Variants in ELAPOR1 observed in about 807,000 individuals in gnomAD.
ELAPOR1 encodes endosome-lysosome associated apoptosis and autophagy regulator 1.
A neutral mutation model predicts 119.7 loss-of-function variants in ELAPOR1; 77 were observed. The ratio of observed to expected loss-of-function variants is 0.64; its 90% confidence interval spans 0.54 to 0.78. The LOEUF is 0.78. Ranked by LOEUF, ELAPOR1 falls within the 30% of genes least tolerant of loss-of-function variation. The pLI is 0.00. For synonymous variants in ELAPOR1, 481 were observed against 487.2 expected (o/e 0.99, Z 0.17); for missense variants, 1,115 against 1,270.4 (o/e 0.88, Z 1.86).
intron 1 of ELAPOR1, among the ~76,000 whole-genome samples, chr1:109,144,061 A>ATATATATTTTT: frequency 3.5e-4 from 31 of 88,970 alleles, no homozygotes; most frequent in African/African-American, 6.8e-4. Flanking sequence ...ATATTTATAT[A>ATATATATTTTT]TTTTTTTTTT....
intron 13 of ELAPOR1, among the ~76,000 whole-genome samples, chr1:109,192,292 CTGTT>C (rs1215955449): frequency 2.0e-5 from 3 of 152,214 alleles, no homozygotes; most frequent in Non-Finnish European, 4.4e-5. Context: ...CTCCTATACA[CTGTT>C]TGTTTCTGCA....
At chr1:109,118,461 T>C (rs543503301) in intron 1 of ELAPOR1, among the ~76,000 whole-genome samples, 1 of 152,310 alleles carries the variant, frequency 6.6e-6, no homozygotes, top group Admixed American at 6.5e-5. Context: ...AAAGTAAGCA[T>C]GGTTGAGGTG....
chr1:109,196,440 T>C (rs986857801), intron 15 of ELAPOR1, among the ~76,000 whole-genome samples: 1 of 152,198 alleles, frequency 6.6e-6, no homozygotes, highest in Non-Finnish European at 1.5e-5. Flanking sequence ...AGGCTTCATG[T>C]AGCAAAAGTG....
intron 1 of ELAPOR1, among the ~76,000 whole-genome samples, chr1:109,157,427 A>C (rs912014942): frequency 6.6e-6 from 1 of 152,170 alleles, no homozygotes; most frequent in African/African-American, 2.4e-5. Flanking sequence ...ATGCTCACAG[A>C]GGGCCCTATC....
intron 1 of ELAPOR1, among the ~76,000 whole-genome samples, chr1:109,129,523 C>T (rs1029108376): frequency 2.6e-5 from 4 of 151,978 alleles, no homozygotes; most frequent in Non-Finnish European, 4.4e-5. Context: ...AAAAAACCAA[C>T]GAAACAAAAC....
chr1:109,187,897 A>T (rs751287686), intron 8 of ELAPOR1: 332 of 1,143,350 alleles, frequency 2.9e-4, no homozygotes, highest in Non-Finnish European at 3.3e-4. Flanking sequence ...TCTCTAAGAC[A>T]ACTGGTCCCA....
At chr1:109,126,083 G>C (rs1474018705) in intron 1 of ELAPOR1, among the ~76,000 whole-genome samples, 1 of 152,166 alleles carries the variant, frequency 6.6e-6, no homozygotes, top group African/African-American at 2.4e-5. Flanking sequence ...CATTCCAATC[G>C]ACTTGCAGTT....
chr1:109,161,827 G>A, intron 1 of ELAPOR1, 67 bp from the exon 2 acceptor site: 1 of 1,555,574 alleles, frequency 6.4e-7, no homozygotes, highest in Middle Eastern at 1.7e-4. Flanking sequence ...GCTGGGAAGT[G>A]GGTGGGAAGC....
chr1:109,142,259 G>T lies in ELAPOR1; in HGVS notation c.154-19635G>T, dbSNP rs149713776. Among the ~76,000 whole-genome samples the T allele has an allele frequency of 5.6e-4, 85 of 152,300 alleles. 1 individual carries two copies. The East Asian group carries it at 0.013, about 24-fold the overall frequency. ...AAGAGTTGAACTGAGCTTTAGAAAA[G>T]ACTAGGACTTTAATTGAACTAGAAG... On this transcript the variant is annotated intron_variant, in intron 1 of 21. Transcript: ENST00000369939.
At chr1:109,166,670 C>T (rs543058811) in intron 3 of ELAPOR1, among the ~76,000 whole-genome samples, 76 of 152,298 alleles carry the variant, frequency 5.0e-4, no homozygotes, top group Non-Finnish European at 9.0e-4. Flanking sequence ...GATTGAAATT[C>T]GAACCCAAGC....
At chr1:109,138,945 T>G (rs71513963) in intron 1 of ELAPOR1, among the ~76,000 whole-genome samples, 16,384 of 152,002 alleles carry the variant, frequency 0.11, 1,282 homozygotes, top group African/African-American at 0.22. Context: ...GGTAATCAAT[T>G]TTAAAAGTAT....
chr1:109,174,631 T>C (rs1200047860), intron 7 of ELAPOR1, among the ~76,000 whole-genome samples: 1 of 151,402 alleles, frequency 6.6e-6, no homozygotes, highest in Non-Finnish European at 1.5e-5. Flanking sequence ...ATATAGTATG[T>C]GAGATGGTAA....
chr1:109,163,078 A>G (rs1651361229), intron 2 of ELAPOR1, among the ~76,000 whole-genome samples: 1 of 152,246 alleles, frequency 6.6e-6, no homozygotes, highest in African/African-American at 2.4e-5. Flanking sequence ...GCAGACATAT[A>G]TGATATGAGA....
rs541836084 is a variant in ELAPOR1 at position 109,114,787 on chromosome 1, A to G, written c.153+451A>G. Among the ~76,000 whole-genome samples the G allele has an allele frequency of 5.9e-5, 9 of 152,332 alleles. No individual in the cohort carries two copies. The South Asian group carries it at 1.9e-3, about 32-fold the overall frequency. ...AGTATCAGAGCGAAGTGGTTTTATCATGGCTACACAAAACGGAGTGTGAAG... is the reference window on the plus strand; with the variant it reads ...AGTATCAGAGCGAAGTGGTTTTATCGTGGCTACACAAAACGGAGTGTGAAG... On this transcript the variant is annotated intron_variant, in intron 1 of 21. Coordinates refer to ENST00000369939, the MANE Select transcript of ELAPOR1 (RefSeq NM_020775.5).
intron 5 of ELAPOR1, among the ~76,000 whole-genome samples, chr1:109,173,065 C>T (rs1371067799): frequency 3.4e-5 from 5 of 147,548 alleles, no homozygotes; most frequent in Non-Finnish European, 7.4e-5. Context: ...CCATTGCACT[C>T]CAGCCTGGGC....
chr1:109,179,203 C>A (rs1435911628), intron 7 of ELAPOR1, among the ~76,000 whole-genome samples: 3 of 151,698 alleles, frequency 2.0e-5, no homozygotes, highest in Non-Finnish European at 4.4e-5. Context: ...GAGTTTGAGA[C>A]CAGCCTGGGC....
chr1:109,179,111 G>A (rs908184016), intron 7 of ELAPOR1, among the ~76,000 whole-genome samples: 2 of 151,830 alleles, frequency 1.3e-5, no homozygotes, highest in Non-Finnish European at 2.9e-5. Flanking sequence ...ATAGAAGTGT[G>A]AGCAAAGGGC....
In ELAPOR1 at chr1:109,173,730, C is replaced by T. The variant is rs151031272; in HGVS notation, c.845C>T (p.Thr282Met). 8.8e-5 allele frequency: 142 copies of T among 1,614,144 alleles called. No homozygotes were observed. The African/African-American group carries it at 1.1e-3, about 12-fold the overall frequency. Reference protein sequence around the residue: ...TSECFPCKPGTYADKQGSSFC... With the variant: ...TSECFPCKPGMYADKQGSSFC... ...GAATGCTTCCCCTGCAAACCTGGCACGTATGCAGACAAGCAGGGCTCCTCT... is the reference window on the plus strand; with the variant it reads ...GAATGCTTCCCCTGCAAACCTGGCATGTATGCAGACAAGCAGGGCTCCTCT... The change falls in exon 7 of 22, where the codon ACG becomes ATG. Residue 282 changes from threonine to methionine, a missense_variant. Physicochemically the swap from Thr to Met is moderately conservative, Grantham distance 81. Coordinates refer to ENST00000369939, the MANE Select transcript of ELAPOR1 (RefSeq NM_020775.5).
At chr1:109,200,993 T>C (rs1450495632) in intron 21 of ELAPOR1, 93 bp downstream of exon 21, 2 of 1,226,854 alleles carry the variant, frequency 1.6e-6, no homozygotes, top group Non-Finnish European at 2.3e-6. Context: ...CGTTCAGGGA[T>C]GGGCACCCTG....
Sources: allele counts gnomAD v4.1 joint callset (sites outside exome capture counted in the v4.1 genomes callset), GRCh38; gene constraint gnomAD v4.1.1; transcripts MANE v1.5; gene names NCBI Gene and HGNC (gene_info 2026-07-23, HGNC 2026-07-21).